Variants in C17orf50 observed in about 807,000 individuals in gnomAD.
The protein encoded by C17orf50 is plakoglobin binding and degradation factor, also known as uncharacterized protein C17orf50.
A neutral mutation model predicts 17.7 loss-of-function variants in C17orf50; 16 were observed. The observed-to-expected ratio is 0.90, with a 90% CI of 0.61 to 1.37. The LOEUF is 1.37. Ranked by LOEUF, C17orf50 falls within the 40% of genes most tolerant of loss-of-function variation. The probability of loss-of-function intolerance (pLI) is 0.00; values close to 1 mark genes in which losing one functional copy is unlikely to be tolerated. For missense variants in C17orf50, 271 were observed against 240.7 expected, an observed-to-expected ratio of 1.13 and a Z score of -0.83; for synonymous variants, 125 against 111.0, an observed-to-expected ratio of 1.13 and a Z score of -0.80.
Position 35,764,421 on chromosome 17 carries a change from G to C in C17orf50, c.333-5G>C, listed in dbSNP as rs782534848. 1.1e-5 allele frequency: 17 copies of C among 1,529,428 alleles called. No homozygotes were observed. In the South Asian group the frequency reaches 1.7e-4, roughly 15 times the overall value. The allele number at this position is 1,529,428 out of a possible 1,614,324, so 94.7% of individuals were successfully genotyped here. A position where few individuals can be genotyped will look rare whatever the true frequency, so the allele number is the denominator to read the frequency against. Reference sequence around the variant, plus strand: ...AGGCACTGAGCGCCTGGTCCCCGCCGGCAGGAAGCGGAGCCTCCCGGAGGA... The same window carrying C: ...AGGCACTGAGCGCCTGGTCCCCGCCCGCAGGAAGCGGAGCCTCCCGGAGGA... On this transcript the variant is annotated splice_polypyrimidine_tract_variant and splice_region_variant and intron_variant, in intron 2 of 2. Transcript: ENST00000605587.
chr17:35,764,511 C>A lies in C17orf50; in HGVS notation c.418C>A (p.Leu140Ile), dbSNP rs781874321. ...CGGGGGCTGTGCTTGCTGCGAGCTC[C>A]TCTTCTGCAAGAAATGCAGGAGTCT... ...RRGGCACCEL[L>I]FCKKCRSLHS... Residue 140 changes from leucine to isoleucine, a missense_variant, in exon 3 of 3, where the codon CTC becomes ATC. Physicochemically the swap from Leu to Ile is conservative, Grantham distance 5. Coordinates refer to ENST00000605587, the MANE Select transcript of C17orf50 (RefSeq NM_145272.4). The A allele has an allele frequency of 1.8e-5, 29 of 1,595,164 alleles. 1 individual carries two copies. The highest frequency in any genetic ancestry group is 2.1e-5 in the Non-Finnish European group (25 of 1,173,530).
At position 35,764,407 on chromosome 17, in the gene C17orf50, G is replaced by T. The variant is rs1555602292; in HGVS notation, c.333-19G>T. 2.0e-6 allele frequency: 3 copies of T among 1,514,768 alleles called. No individual in the cohort carries two copies. Among genetic ancestry groups the T allele is most frequent in the East Asian group, 2.6e-5 (1 of 38,648 alleles). 93.8% of individuals were successfully genotyped at this position (1,514,768 alleles called of 1,614,324 possible). ...GGAGGGGCTGCCCCAGGCACTGAGC[G>T]CCTGGTCCCCGCCGGCAGGAAGCGG... On this transcript the variant is annotated intron_variant, in intron 2 of 2. Coordinates refer to ENST00000605587, the MANE Select transcript of C17orf50 (RefSeq NM_145272.4).
intron 1 of C17orf50, among the ~76,000 whole-genome samples, chr17:35,763,412 C>T (rs1436547542): frequency 6.6e-6 from 1 of 150,944 alleles, no homozygotes; most frequent in Non-Finnish European, 1.5e-5. Context: ...GTAGCTGGGA[C>T]CACAGGTGTA....
intron 1 of C17orf50, among the ~76,000 whole-genome samples, chr17:35,763,037 G>C (rs1395045169): frequency 1.3e-5 from 2 of 151,826 alleles, no homozygotes; most frequent in Non-Finnish European, 2.9e-5. Flanking sequence ...CAGGAGAATG[G>C]CGTGAACCCG....
At chr17:35,763,377 G>C (rs1203777773) in intron 1 of C17orf50, among the ~76,000 whole-genome samples, 35 of 150,752 alleles carry the variant, frequency 2.3e-4, no homozygotes, top group African/African-American at 8.3e-4. Context: ...CCCTAGCTCA[G>C]CTTCCTCTCA....
chr17:35,762,969 A>C (rs1418863489), intron 1 of C17orf50, among the ~76,000 whole-genome samples: 2 of 152,004 alleles, frequency 1.3e-5, no homozygotes, highest in Non-Finnish European at 2.9e-5. Flanking sequence ...AAAAATACAA[A>C]AAATTAGCTG....
At position 35,764,412 on chromosome 17, in the gene C17orf50, G is replaced by T; in HGVS notation, c.333-14G>T. On this transcript the variant is annotated splice_polypyrimidine_tract_variant and intron_variant, in intron 2 of 2. Transcript: ENST00000605587. Reference sequence around the variant, plus strand: ...GGCTGCCCCAGGCACTGAGCGCCTGGTCCCCGCCGGCAGGAAGCGGAGCCT... The same window carrying T: ...GGCTGCCCCAGGCACTGAGCGCCTGTTCCCCGCCGGCAGGAAGCGGAGCCT... The T allele has an allele frequency of 6.6e-7, 1 of 1,520,364 alleles. No homozygotes were observed. The highest frequency in any genetic ancestry group is 1.2e-5 in the South Asian group (1 of 80,860). 94.2% of individuals were successfully genotyped at this position (1,520,364 alleles called of 1,614,324 possible).
intron 1 of C17orf50, among the ~76,000 whole-genome samples, chr17:35,762,083 T>G (rs1555601649): frequency 6.6e-6 from 1 of 152,000 alleles, no homozygotes; most frequent in East Asian, 1.9e-4. Context: ...CTCCGACCCC[T>G]GGGTTCAAGC....
Position 35,764,133 on chromosome 17 carries a change from C to G in C17orf50, c.140C>G (p.Ala47Gly). ...EDNQRPLEDSATEGEEPPRVA... is the reference protein window; with the variant it reads ...EDNQRPLEDSGTEGEEPPRVA... ...AACCAGAGGCCGCTGGAGGACAGCG[C>G]GACGGAGGGCGAGGAGCCGCCGCGG... is the stretch of plus-strand genomic sequence containing the variant. The change falls in exon 2 of 3, where the codon GCG becomes GGG. Residue 47 changes from alanine to glycine, a missense_variant. By Grantham distance (60) the Ala-to-Gly change is moderately conservative. Coordinates refer to ENST00000605587, the MANE Select transcript of C17orf50 (RefSeq NM_145272.4). 1 of 1,549,518 alleles carries G rather than the reference C, an allele frequency of 6.5e-7. No homozygotes were observed. The highest frequency in any genetic ancestry group is 8.7e-7 in the Non-Finnish European group (1 of 1,146,780).
intron 1 of C17orf50, among the ~76,000 whole-genome samples, chr17:35,761,623 G>A (rs1341834501): frequency 6.6e-6 from 1 of 152,094 alleles, no homozygotes; most frequent in Non-Finnish European, 1.5e-5. Context: ...ACCTGCTCCT[G>A]TTCAGACCTT....
At chr17:35,763,122 CAAA>C (rs56180495) in intron 1 of C17orf50, among the ~76,000 whole-genome samples, 14 of 103,090 alleles carry the variant, frequency 1.4e-4, no homozygotes, top group Admixed American at 2.0e-4. Context: ...ACTCCGTCTC[CAAA>C]AAAAAAAAAA....
In C17orf50 at chr17:35,764,674, A is replaced by G; in HGVS notation, c.*56A>G. 6 of 1,495,584 alleles carry G rather than the reference A, an allele frequency of 4.0e-6. No individual in the cohort carries two copies. The highest frequency in any genetic ancestry group is 5.3e-6 in the Non-Finnish European group (6 of 1,126,878). 92.6% of individuals were successfully genotyped at this position (1,495,584 alleles called of 1,614,324 possible). Reference sequence around the variant, plus strand: ...ATCATTTCCTGGCCCCAGACCCCCTACCGACCTTCTCTCTTGGAGCGCGGA... The same window carrying G: ...ATCATTTCCTGGCCCCAGACCCCCTGCCGACCTTCTCTCTTGGAGCGCGGA... On this transcript the variant is annotated 3_prime_UTR_variant, in exon 3 of 3. Transcript: ENST00000605587.
intron 1 of C17orf50, 127 bp from the exon 2 acceptor site, chr17:35,763,880 G>A (rs1302263845): frequency 1.3e-5 from 10 of 749,252 alleles, no homozygotes; most frequent in Admixed American, 9.4e-5. Context: ...CTGAGCTACA[G>A]AGAGAGACCC....
At position 35,764,433 on chromosome 17, in the gene C17orf50, A is replaced by G; in HGVS notation, c.340A>G (p.Ser114Gly). ...CCTGGTCCCCGCCGGCAGGAAGCGGAGCCTCCCGGAGGAGCCGTGCGTGCT... is the reference window on the plus strand; with the variant it reads ...CCTGGTCCCCGCCGGCAGGAAGCGGGGCCTCCCGGAGGAGCCGTGCGTGCT... ...GLTAPTDRKR[S>G]LPEEPCVLEI... Residue 114 changes from serine to glycine, a missense_variant, in exon 3 of 3, where the codon AGC becomes GGC. Coordinates refer to ENST00000605587, the MANE Select transcript of C17orf50 (RefSeq NM_145272.4). The G allele has an allele frequency of 1.4e-5, 21 of 1,540,230 alleles. No homozygotes were observed. The highest frequency in any genetic ancestry group is 1.7e-5 in the Non-Finnish European group (20 of 1,146,084).
rs782341306 is a variant in C17orf50, at chr17:35,764,579, C to G, written c.486C>G (p.His162Gln). The G allele has an allele frequency of 6.3e-7, 1 of 1,594,666 alleles. No individual in the cohort carries two copies. The highest frequency in any genetic ancestry group is 2.4e-5 in the East Asian group (1 of 42,526). The change falls in exon 3 of 3, where the codon CAC becomes CAG. Residue 162 changes from histidine (H) to glutamine (Q), a missense_variant. By Grantham distance (24) the His-to-Gln change is conservative (BLOSUM62 0). Coordinates refer to ENST00000605587, the MANE Select transcript of C17orf50 (RefSeq NM_145272.4). ...PAYVAHCVLD[H>Q]PDLGKAGAAG... Reference sequence around the variant, plus strand: ...ATGTGGCGCACTGCGTTCTGGATCACCCGGATCTGGGTAAGGCGGGGGCCG... The same window carrying G: ...ATGTGGCGCACTGCGTTCTGGATCAGCCGGATCTGGGTAAGGCGGGGGCCG...
In C17orf50 at chr17:35,764,664, C is replaced by G; in HGVS notation, c.*46C>G. The G allele has an allele frequency of 6.6e-7, 1 of 1,520,382 alleles. No homozygotes were observed. Among genetic ancestry groups the G allele is most frequent in the African/African-American group, 1.5e-5 (1 of 68,810 alleles). 94.2% of individuals were successfully genotyped at this position (1,520,382 alleles called of 1,614,324 possible). A position where few individuals can be genotyped will look rare whatever the true frequency, so the allele number is the denominator to read the frequency against. Reference sequence around the variant, plus strand: ...TGTGCCCTCCATCATTTCCTGGCCCCAGACCCCCTACCGACCTTCTCTCTT... The same window carrying G: ...TGTGCCCTCCATCATTTCCTGGCCCGAGACCCCCTACCGACCTTCTCTCTT... On this transcript the variant is annotated 3_prime_UTR_variant, in exon 3 of 3. Transcript: ENST00000605587.
chr17:35,763,438 CT>C (rs782005643), intron 1 of C17orf50, among the ~76,000 whole-genome samples: 10,428 of 101,498 alleles, frequency 0.1, 474 homozygotes, highest in African/African-American at 0.2. Flanking sequence ...CCATGCCCAG[CT>C]TTTTTTTTTT....
chr17:35,762,991 G>A lies in C17orf50; in HGVS notation c.14-1016G>A, dbSNP rs587737396. 3.3e-3 allele frequency among the ~76,000 whole-genome samples: 500 copies of A among 152,072 alleles called. 4 individuals carry two copies. The highest frequency in any genetic ancestry group is 0.012 in the African/African-American group (482 of 41,516). On this transcript the variant is annotated intron_variant, in intron 1 of 2. Coordinates refer to ENST00000605587, the MANE Select transcript of C17orf50 (RefSeq NM_145272.4). ...CAAAAAATTAGCTGGGCGTGGTGGC[G>A]GGCGCCTATAGTCCCAGTTACTCGG...
Position 35,764,805 on chromosome 17 carries a change from C to G in C17orf50, c.*187C>G, listed in dbSNP as rs1158154481. 6.5e-6 allele frequency: 4 copies of G among 613,768 alleles called. No homozygotes were observed. The African/African-American group carries it at 7.9e-5, about 12-fold the overall frequency. 38.0% of individuals were successfully genotyped at this position (613,768 alleles called of 1,614,324 possible). ...TTGGTGCTTGGTTCCCATCTGTCAC[C>G]TAGCGCCCCCAGTGCAGAGCCCAGC... On this transcript the variant is annotated 3_prime_UTR_variant, in exon 3 of 3. Transcript: ENST00000605587.
Sources: gnomAD v4.1 joint callset for allele counts (sites outside exome capture counted in the v4.1 genomes callset) on GRCh38, gnomAD v4.1.1 for gene constraint, MANE v1.5 for transcripts, NCBI Gene and HGNC (gene_info 2026-07-23, HGNC 2026-07-21) for gene names.